The following ROBO1 variants were observed in gnomAD, a reference collection of about 807,000 sequenced individuals.
The protein encoded by ROBO1 is roundabout guidance receptor 1, also known as roundabout homolog 1.
Under a neutral mutation model 195.9 loss-of-function variants are expected in ROBO1, and 149 were observed. The ratio of observed to expected loss-of-function variants is 0.76; its 90% CI spans 0.67 to 0.87. The LOEUF is 0.87. ROBO1 is among the 40% of genes least tolerant of loss of function. ROBO1 has a pLI of 0.00. For synonymous variants in ROBO1, 816 were observed against 733.2 expected (o/e 1.11, Z -1.82); for missense variants, 1,933 against 2,068.3 (o/e 0.93, Z 1.27).
At chr3:78,949,575 C>T (rs1004544169) in intron 3 of ROBO1, among the ~76,000 whole-genome samples, 1 of 152,140 alleles carries the variant, frequency 6.6e-6, no homozygotes, top group African/African-American at 2.4e-5. Flanking sequence ...AAAACCTAGG[C>T]AATACCATTC....
chr3:79,181,946 TA>T (rs751312234), intron 2 of ROBO1, among the ~76,000 whole-genome samples: 3 of 148,846 alleles, frequency 2.0e-5, no homozygotes, highest in Non-Finnish European at 3.0e-5. Flanking sequence ...AAAAAAAAAT[TA>T]AGAAAATGGA....
intron 1 of ROBO1, among the ~76,000 whole-genome samples, chr3:79,685,284 C>T (rs1396893761): frequency 6.6e-6 from 1 of 152,136 alleles, no homozygotes; most frequent in African/African-American, 2.4e-5. Context: ...GGGTTCAAGG[C>T]CAGCCAGGGG....
intron 1 of ROBO1, among the ~76,000 whole-genome samples, chr3:79,739,759 C>A (rs1703544838): frequency 6.6e-6 from 1 of 152,120 alleles, no homozygotes; most frequent in Non-Finnish European, 1.5e-5. Flanking sequence ...ACTGGAGATA[C>A]CTTGTGGTCC....
intron 3 of ROBO1, among the ~76,000 whole-genome samples, chr3:78,955,209 C>A (rs1319648685): frequency 7.0e-6 from 1 of 142,196 alleles, no homozygotes; most frequent in East Asian, 2.2e-4. Flanking sequence ...TATAGGTAAA[C>A]TGTGTGTCAT....
At chr3:78,974,621 G>A (rs548472970) in intron 3 of ROBO1, among the ~76,000 whole-genome samples, 15 of 152,256 alleles carry the variant, frequency 9.9e-5, no homozygotes, top group African/African-American at 3.6e-4. Flanking sequence ...GAGTTTCCTC[G>A]TTAGATTTTC....
chr3:79,744,963 C>T (rs1703809090), intron 1 of ROBO1, among the ~76,000 whole-genome samples: 1 of 151,668 alleles, frequency 6.6e-6, no homozygotes, highest in South Asian at 2.1e-4. Context: ...GCTTTAAATG[C>T]CTATTTTTTC....
At chr3:78,893,008 T>C (rs141743407) in intron 4 of ROBO1, among the ~76,000 whole-genome samples, 1 of 152,302 alleles carries the variant, frequency 6.6e-6, no homozygotes, top group East Asian at 1.9e-4. Context: ...AACCTCATAC[T>C]GGCAGGAGGA....
At chr3:79,194,535 C>A (rs1284547637) in intron 2 of ROBO1, among the ~76,000 whole-genome samples, 1 of 151,622 alleles carries the variant, frequency 6.6e-6, no homozygotes, top group Non-Finnish European at 1.5e-5. Flanking sequence ...AAGTGCCTGG[C>A]TTTCAACCTT....
At chr3:79,520,839 C>CAA (rs796691319) in intron 2 of ROBO1, among the ~76,000 whole-genome samples, 31 of 125,798 alleles carry the variant, frequency 2.5e-4, no homozygotes, top group African/African-American at 7.7e-4. Flanking sequence ...AAACCAGAGC[C>CAA]AAAAAAAAAA....
intron 4 of ROBO1, among the ~76,000 whole-genome samples, chr3:78,927,296 G>T (rs1037234665): frequency 7.2e-5 from 11 of 152,136 alleles, no homozygotes; most frequent in Non-Finnish European, 1.5e-4. Flanking sequence ...CTTACATTCT[G>T]CAAATAAAGG....
chr3:79,047,588 G>A (rs886787273), intron 3 of ROBO1, among the ~76,000 whole-genome samples: 1 of 152,130 alleles, frequency 6.6e-6, no homozygotes, highest in Non-Finnish European at 1.5e-5. Flanking sequence ...GAATCTGTGA[G>A]ATAATAAGTG....
intron 4 of ROBO1, among the ~76,000 whole-genome samples, chr3:78,813,622 T>C (rs2084811476): frequency 6.6e-6 from 1 of 152,104 alleles, no homozygotes; most frequent in Non-Finnish European, 1.5e-5. Context: ...AAATATGTCA[T>C]GCACATCTGT....
At chr3:79,457,581 T>G (rs1007055463) in intron 2 of ROBO1, among the ~76,000 whole-genome samples, 5 of 152,090 alleles carry the variant, frequency 3.3e-5, no homozygotes, top group Admixed American at 3.3e-4. Flanking sequence ...GCTCCCATAA[T>G]CCCCATGTGT....
chr3:79,538,116 G>A (rs1176485687), intron 2 of ROBO1, among the ~76,000 whole-genome samples: 2 of 151,946 alleles, frequency 1.3e-5, no homozygotes, highest in Non-Finnish European at 2.9e-5. Flanking sequence ...CCAAAACTAC[G>A]AATAATAGCC....
At chr3:78,664,633 T>C (rs979273778) in intron 14 of ROBO1, among the ~76,000 whole-genome samples, 11 of 152,246 alleles carry the variant, frequency 7.2e-5, no homozygotes, top group African/African-American at 2.7e-4. Flanking sequence ...CTGTGCCCTA[T>C]ATCTGTGCAC....
intron 3 of ROBO1, among the ~76,000 whole-genome samples, chr3:79,094,143 G>A (rs77280642): frequency 0.027 from 4,166 of 152,098 alleles, 195 homozygotes; most frequent in African/African-American, 0.094. Flanking sequence ...CCAAGATTAC[G>A]TAAGTAAGAA....
intron 1 of ROBO1, among the ~76,000 whole-genome samples, chr3:79,657,559 G>T (rs1183152621): frequency 6.6e-6 from 1 of 151,958 alleles, no homozygotes; most frequent in Non-Finnish European, 1.5e-5. Flanking sequence ...AAATTAATGA[G>T]ATTATGCAAA....
intron 5 of ROBO1, among the ~76,000 whole-genome samples, chr3:78,741,014 T>C (rs1219704654): frequency 6.6e-6 from 1 of 152,176 alleles, no homozygotes; most frequent in Non-Finnish European, 1.5e-5. Context: ...GTTAGTATAA[T>C]GGTATTGATT....
rs74603601 is a variant in ROBO1, at chr3:78,957,369, T to C, written c.173-18442A>G. On this transcript the variant is annotated intron_variant, in intron 3 of 30. Coordinates refer to ENST00000464233, the MANE Select transcript of ROBO1 (RefSeq NM_002941.4). ...GGTACCTGTCTCTCTCTCTCTCTTT[T>C]CTTCTAGTTATTAAAGTTTCAAAGT... is the stretch of plus-strand genomic sequence containing the variant. Among the ~76,000 whole-genome samples the C allele has an allele frequency of 6.6e-3, 995 of 151,802 alleles. 14 individuals are homozygous for C. Among genetic ancestry groups the C allele is most frequent in the African/African-American group, 0.023 (948 of 41,224 alleles).
Sources: gnomAD v4.1 joint callset for allele counts (sites outside exome capture counted in the v4.1 genomes callset) on GRCh38, gnomAD v4.1.1 for gene constraint, MANE v1.5 for transcripts, NCBI Gene and HGNC (gene_info 2026-07-23, HGNC 2026-07-21) for gene names.